ZFHX3: variants seen among roughly 807,000 people sequenced by gnomAD.
The protein encoded by ZFHX3 is zinc finger homeobox protein 3.
ZFHX3 carries 42 observed loss-of-function variants against 279.1 expected under a neutral mutation model. The observed-to-expected ratio is 0.15, with a 90% CI of 0.12 to 0.19. The LOEUF (loss-of-function observed/expected upper bound fraction) is 0.19. ZFHX3 is among the 10% of genes least tolerant of loss of function. ZFHX3 has a pLI of 1.00. For synonymous variants in ZFHX3, 2,293 were observed against 1,957.8 expected, an observed-to-expected ratio of 1.17 and a Z score of -4.52; for missense variants, 4,981 against 4,754.0, an observed-to-expected ratio of 1.05 and a Z score of -1.40.
intron 4 of ZFHX3, among the ~76,000 whole-genome samples, chr16:73,282,608 T>G (rs577989980): frequency 1.9e-4 from 29 of 152,338 alleles, no homozygotes; most frequent in African/African-American, 7.0e-4. Context: ...AAATTAAGCC[T>G]TTTCTTTATA....
chr16:73,868,585 T>C (rs1054392918), intron 1 of ZFHX3, among the ~76,000 whole-genome samples: 1 of 152,170 alleles, frequency 6.6e-6, no homozygotes, highest in African/African-American at 2.4e-5. Context: ...ACAGCTTCCC[T>C]CTGTCCCCCT....
chr16:73,124,894 G>C (rs1454586479), intron 7 of ZFHX3, among the ~76,000 whole-genome samples: 2 of 152,180 alleles, frequency 1.3e-5, no homozygotes, highest in African/African-American at 2.4e-5. Flanking sequence ...CTGGGAGGGG[G>C]CTGGGAGAAT....
At chr16:72,991,630 G>A (rs1421957082) in intron 1 of ZFHX3, among the ~76,000 whole-genome samples, 1 of 152,172 alleles carries the variant, frequency 6.6e-6, no homozygotes, top group Non-Finnish European at 1.5e-5. Flanking sequence ...CATTTATACA[G>A]ACAAAGAACA....
chr16:73,880,365 T>C (rs879503701), intron 1 of ZFHX3, among the ~76,000 whole-genome samples: 14 of 152,184 alleles, frequency 9.2e-5, no homozygotes, highest in Non-Finnish European at 2.1e-4. Flanking sequence ...AAATAGGTCA[T>C]CTTTAAATGA....
rs773311556 is a variant in ZFHX3 at position 73,093,041 on chromosome 16, ATCTC to A, written c.-533+190_-533+193del. On this transcript the variant is annotated intron_variant, in intron 8 of 17. Transcript: ENST00000641206. ...CTTGTTTTCTTCCATCCTTTCAAACATCTCTCTAACATATCCTTTTGCTATTTGA... is the reference window on the plus strand; with the variant it reads ...CTTGTTTTCTTCCATCCTTTCAAACATCTAACATATCCTTTTGCTATTTGA... The A allele has an allele frequency of 9.6e-6, 5 of 519,906 alleles. No individual in the cohort carries two copies. The East Asian group carries it at 2.7e-4, about 28-fold the overall frequency. 32.2% of individuals were successfully genotyped at this position (519,906 alleles called of 1,614,324 possible).
chr16:73,449,876 T>C (rs1419509892), intron 3 of ZFHX3, among the ~76,000 whole-genome samples: 1 of 145,148 alleles, frequency 6.9e-6, no homozygotes. Flanking sequence ...CAGAACTATA[T>C]TCTGGCAAAA....
intron 3 of ZFHX3, among the ~76,000 whole-genome samples, chr16:73,372,580 T>G (rs1266408081): frequency 2.6e-5 from 4 of 152,346 alleles, no homozygotes; most frequent in Admixed American, 2.6e-4. Context: ...GTAATGAAGT[T>G]GTTGTTTAAT....
intron 3 of ZFHX3, among the ~76,000 whole-genome samples, chr16:73,322,890 A>G (rs919398797): frequency 1.3e-5 from 2 of 152,248 alleles, no homozygotes; most frequent in Non-Finnish European, 2.9e-5. Context: ...CAGCCTGGAT[A>G]GGCCCAAACT....
intron 5 of ZFHX3, among the ~76,000 whole-genome samples, chr16:73,217,489 A>C (rs1385285634): frequency 6.6e-6 from 1 of 152,194 alleles, no homozygotes; most frequent in Non-Finnish European, 1.5e-5. Flanking sequence ...TACACTAAGC[A>C]ATTGATCCCC....
chr16:73,172,590 T>TC (rs1166911033), intron 5 of ZFHX3, among the ~76,000 whole-genome samples: 2 of 152,320 alleles, frequency 1.3e-5, no homozygotes, highest in African/African-American at 4.8e-5. Context: ...AGATGGTAGC[T>TC]CTATAGAGCG....
intron 3 of ZFHX3, among the ~76,000 whole-genome samples, chr16:73,435,806 C>T (rs562487311): frequency 6.6e-6 from 1 of 152,278 alleles, no homozygotes; most frequent in African/African-American, 2.4e-5. Context: ...ACCCTCAGGA[C>T]CTTAGGAATC....
intron 1 of ZFHX3, among the ~76,000 whole-genome samples, chr16:73,764,113 G>A (rs2053901315): frequency 6.6e-6 from 1 of 152,168 alleles, no homozygotes; most frequent in South Asian, 2.1e-4. Flanking sequence ...CACTACATCT[G>A]TGATCATTTG....
At chr16:73,558,320 A>G (rs1027174871) in intron 2 of ZFHX3, 8 of 152,380 alleles carry the variant, frequency 5.3e-5, no homozygotes, top group African/African-American at 1.7e-4. Context: ...CAGATCCCCT[A>G]TAAATGAGGA....
At chr16:72,863,394 T>C (rs988001457) in intron 4 of ZFHX3, among the ~76,000 whole-genome samples, 1 of 147,132 alleles carries the variant, frequency 6.8e-6, no homozygotes, top group African/African-American at 2.6e-5. Context: ...GGTGCGTGCC[T>C]GTAGTCCCAG....
chr16:72,946,248 T>G (rs1346337445), intron 3 of ZFHX3, among the ~76,000 whole-genome samples: 4 of 151,944 alleles, frequency 2.6e-5, no homozygotes, highest in Non-Finnish European at 5.9e-5. Context: ...CCAAGCAGAG[T>G]TGGCTTGGAC....
At chr16:72,829,152 G>A (rs1210019997) in intron 5 of ZFHX3, among the ~76,000 whole-genome samples, 1 of 150,792 alleles carries the variant, frequency 6.6e-6, no homozygotes, top group Non-Finnish European at 1.5e-5. Context: ...CTACAGGTGT[G>A]TGCCACCACA....
intron 2 of ZFHX3, among the ~76,000 whole-genome samples, chr16:73,545,377 T>C (rs1358922068): frequency 1.3e-5 from 2 of 152,204 alleles, no homozygotes; most frequent in Non-Finnish European, 2.9e-5. Flanking sequence ...GTATATTATT[T>C]AACTTGATAA....
rs144662835 is a variant in ZFHX3, at chr16:72,800,974, C to T, written c.3865-845G>A. Among the ~76,000 whole-genome samples, 703 of 152,342 alleles carry T rather than the reference C, an allele frequency of 4.6e-3. 11 individuals are homozygous for T. The highest frequency in any genetic ancestry group is 0.015 in the African/African-American group (639 of 41,580). ...CAGAGCCTCAGATATTTCTCTAGGC[C>T]TCCCTGCCGTACGGCCAGAAGCCTG... is the stretch of plus-strand genomic sequence containing the variant. On this transcript the variant is annotated intron_variant, in intron 7 of 9. Transcript: ENST00000268489.
chr16:73,776,894 T>G lies in ZFHX3; in HGVS notation c.-1607-96654A>C, dbSNP rs375882554. Among the ~76,000 whole-genome samples, 6 of 152,082 alleles carry G rather than the reference T, an allele frequency of 3.9e-5. No individual in the cohort carries two copies. The South Asian group carries it at 1.3e-3, about 32-fold the overall frequency. On this transcript the variant is annotated intron_variant, in intron 1 of 17. Coordinates refer to the ZFHX3 transcript ENST00000641206. ...CAATCAGTACGGCCTGCTTGCTTTATTTTTTTTAAGGAACAATATTATCAG... is the reference window on the plus strand; with the variant it reads ...CAATCAGTACGGCCTGCTTGCTTTAGTTTTTTTAAGGAACAATATTATCAG...
Sources: allele counts gnomAD v4.1 joint callset (sites outside exome capture counted in the v4.1 genomes callset), GRCh38; gene constraint gnomAD v4.1.1; transcripts MANE v1.5; gene names NCBI Gene and HGNC (gene_info 2026-07-23, HGNC 2026-07-21).